MCM5: variants seen among roughly 807,000 people sequenced by gnomAD.
MCM5 encodes the protein DNA replication licensing factor MCM5.
A neutral mutation model predicts 79.9 loss-of-function variants in MCM5; 46 were observed. The observed-to-expected ratio is 0.58, with a 90% confidence interval of 0.45 to 0.74. The LOEUF is 0.74. MCM5 is among the 30% of genes least tolerant of loss of function. The pLI is 0.00. For missense variants in MCM5, 883 were observed against 1,017.0 expected, an observed-to-expected ratio of 0.87 and a Z score of 1.79; for synonymous variants, 404 against 390.5, an observed-to-expected ratio of 1.03 and a Z score of -0.41.
chr22:35,450,734 C>T, the MCM5 span, among the ~76,000 whole-genome samples: 1 of 152,216 alleles, frequency 6.6e-6, no homozygotes, highest in South Asian at 2.1e-4. Context: ...TCGTCTGGGG[C>T]TCCCTACATC....
At chr22:35,426,817 C>G (rs576315906), downstream of MCM5, among the ~76,000 whole-genome samples, 4 of 152,288 alleles carry the variant, frequency 2.6e-5, no homozygotes, top group Admixed American at 2.0e-4. Flanking sequence ...AGAGGCCGAG[C>G]CTCTGCTGCT....
chr22:35,435,805 C>T, the MCM5 span, among the ~76,000 whole-genome samples: 3 of 152,172 alleles, frequency 2.0e-5, no homozygotes, highest in African/African-American at 4.8e-5. Context: ...GGCAACCTCT[C>T]GGGCATGTCT....
chr22:35,404,570 G>C (rs1932156636), intron 4 of MCM5, among the ~76,000 whole-genome samples: 1 of 152,222 alleles, frequency 6.6e-6, no homozygotes, highest in African/African-American at 2.4e-5. Context: ...ACGCTTATGG[G>C]TGGTATTGGA....
downstream of MCM5, among the ~76,000 whole-genome samples, chr22:35,428,083 C>T (rs141440235): frequency 2.1e-3 from 309 of 150,000 alleles, 2 homozygotes; most frequent in African/African-American, 7.1e-3. Flanking sequence ...TGCATTGGCG[C>T]GATCTCGGCT....
intron 4 of MCM5, among the ~76,000 whole-genome samples, chr22:35,404,720 C>T (rs1932160310): frequency 1.3e-5 from 2 of 152,152 alleles, no homozygotes; most frequent in Non-Finnish European, 2.9e-5. Flanking sequence ...TTCCCACAGC[C>T]TCTTCCTGCT....
At chr22:35,438,602 C>CCCACCCACACATTCATCCATCCAT in the MCM5 span, among the ~76,000 whole-genome samples, 4 of 57,072 alleles carry the variant, frequency 7.0e-5, no homozygotes, top group African/African-American at 2.4e-4. Context: ...CATGCATCCA[C>CCCACCCACACATTCATCCATCCAT]CCACCCACAT....
chr22:35,404,710 T>C (rs186654952), intron 4 of MCM5, among the ~76,000 whole-genome samples: 157 of 152,292 alleles, frequency 1.0e-3, no homozygotes, highest in African/African-American at 3.5e-3. Flanking sequence ...TCGCTTCTGC[T>C]TCCCACAGCC....
Position 35,419,932 on chromosome 22 carries a change from C to T in MCM5, c.1752C>T (p.Asn584=). Residue 584 remains asparagine, a synonymous_variant, in exon 14 of 17, where the codon AAC becomes AAT. Transcript: ENST00000216122. ...LSAEAAEKLK[N]RYIIMRSGAR... ...CAGAGGCTGCAGAGAAACTGAAGAA[C>T]CGCTACATCATCATGCGGAGCGGGG... 1 of 1,613,448 alleles carries T rather than the reference C, an allele frequency of 6.2e-7. No individual in the cohort carries two copies. Among genetic ancestry groups the T allele is most frequent in the Non-Finnish European group, 8.5e-7 (1 of 1,179,736 alleles).
the MCM5 span, among the ~76,000 whole-genome samples, chr22:35,451,041 T>C: frequency 0.68 from 102,643 of 152,046 alleles, 35,657 homozygotes; most frequent in Middle Eastern, 0.77. Context: ...CTGCTGTCCT[T>C]TCTTTCCCGG....
the MCM5 span, among the ~76,000 whole-genome samples, chr22:35,433,600 G>A: frequency 6.6e-6 from 1 of 152,350 alleles, no homozygotes; most frequent in African/African-American, 2.4e-5. Context: ...CATTGTTGGT[G>A]TATGTAAGTC....
chr22:35,443,110 T>C, the MCM5 span, among the ~76,000 whole-genome samples: 1 of 152,288 alleles, frequency 6.6e-6, no homozygotes, highest in South Asian at 2.1e-4. Context: ...GCCCCGCACC[T>C]TCCTCGCCAT....
Position 35,425,073 on chromosome 22 carries a change from G to T in MCM5, c.*818G>T. ...AGTTTATCAGTAAACTGGAGATGGG[G>T]GGATTCCTCACCCTGAGTTGTGAGG... On this transcript the variant is annotated 3_prime_UTR_variant, in exon 17 of 17. Transcript: ENST00000216122. 6.6e-6 allele frequency: 1 copy of T among 152,298 alleles called. No individual in the cohort carries two copies. The highest frequency in any genetic ancestry group is 6.5e-5 in the Admixed American group (1 of 15,304). 9.4% of individuals were successfully genotyped at this position (152,298 alleles called of 1,614,324 possible).
At chr22:35,414,069 T>C in intron 9 of MCM5, 83 bp downstream of exon 9, 1 of 827,678 alleles carries the variant, frequency 1.2e-6, no homozygotes, top group Non-Finnish European at 2.0e-6. Flanking sequence ...TCAGGACACC[T>C]GTGGTGGGCT....
At chr22:35,406,296 A>ACCCCCCCCCCCCCCCCC (rs758388958) in intron 4 of MCM5, among the ~76,000 whole-genome samples, 1 of 120,920 alleles carries the variant, frequency 8.3e-6, no homozygotes, top group Admixed American at 9.4e-5. Flanking sequence ...TTGCCCTGCC[A>ACCCCCCCCCCCCCCCCC]CCTCCCCCCC....
At chr22:35,431,054 A>T in the MCM5 span, among the ~76,000 whole-genome samples, 1 of 152,162 alleles carries the variant, frequency 6.6e-6, no homozygotes, top group African/African-American at 2.4e-5. Flanking sequence ...CCTGGCCTGC[A>T]GGGCCAGCTC....
At position 35,423,246 on chromosome 22, in the gene MCM5, G is replaced by A; in HGVS notation, c.2008G>A (p.Glu670Lys). The change falls in exon 16 of 17, where the codon GAG becomes AAG. Residue 670 changes from glutamate (E) to lysine (K), a missense_variant. Physicochemically the swap from Glu to Lys is moderately conservative, Grantham distance 56. Around this residue, in one of 3 missense-constraint regions of MCM5, gnomAD observed 426 missense variants for 482.3 expected, o/e 0.88. Transcript: ENST00000216122. ...GGGCTTCACCAGCCAGGAGGACCAG[G>A]AGATGCTGAGCCGCATCGAGAAGCA... The part of the protein sequence containing the change: ...VEGFTSQEDQ[E>K]MLSRIEKQLK... 6 of 1,601,264 alleles carry A rather than the reference G, an allele frequency of 3.7e-6. No individual in the cohort carries two copies. The highest frequency in any genetic ancestry group is 5.1e-6 in the Non-Finnish European group (6 of 1,171,736).
chr22:35,420,055 C>T (rs923819180), intron 14 of MCM5, 43 bp downstream of exon 14: 4 of 1,565,428 alleles, frequency 2.6e-6, no homozygotes, highest in Admixed American at 3.6e-5. Flanking sequence ...ATGGGGCTTG[C>T]TTTACACAGC....
the MCM5 span, among the ~76,000 whole-genome samples, chr22:35,450,669 C>G: frequency 6.6e-6 from 1 of 152,196 alleles, no homozygotes; most frequent in Non-Finnish European, 1.5e-5. Flanking sequence ...AAGATCCAAC[C>G]AACAACCCGG....
the MCM5 span, among the ~76,000 whole-genome samples, chr22:35,441,421 G>A: frequency 1.5e-4 from 23 of 152,184 alleles, no homozygotes; most frequent in African/African-American, 5.3e-4. Context: ...AGGCTCTCTG[G>A]GTGCCCCCCC....
Sources: gnomAD v4.1 joint callset for allele counts (sites outside exome capture counted in the v4.1 genomes callset) on GRCh38, gnomAD v4.1.1 for gene constraint, gnomAD v4.1.1 regional missense constraint, MANE v1.5 for transcripts, NCBI Gene and HGNC (gene_info 2026-07-23, HGNC 2026-07-21) for gene names.